The following DYNC2H1 variants were observed in gnomAD, a reference collection of about 807,000 sequenced individuals.
The protein encoded by DYNC2H1 is cytoplasmic dynein 2 heavy chain 1.
Under a neutral mutation model 570.0 loss-of-function variants are expected in DYNC2H1, and 410 were observed. The ratio of observed to expected loss-of-function variants is 0.72; its 90% confidence interval spans 0.66 to 0.78. The LOEUF is 0.78. Ranked by LOEUF, DYNC2H1 falls within the 30% of genes least tolerant of loss-of-function variation. The pLI is 0.00. For missense variants in DYNC2H1, 4,865 were observed against 5,046.4 expected, an observed-to-expected ratio of 0.96 and a Z score of 1.09; for synonymous variants, 1,688 against 1,677.6, an observed-to-expected ratio of 1.01 and a Z score of -0.15.
intron 79 of DYNC2H1, 40 bp from the exon 80 acceptor site, chr11:103,316,505 A>G (rs773790450): frequency 7.3e-7 from 1 of 1,369,684 alleles, no homozygotes; most frequent in South Asian, 1.4e-5. Flanking sequence ...ATCTTTGACT[A>G]CTGCTTAGTT....
chr11:103,153,286 A>G lies in DYNC2H1; in HGVS notation c.3097-17A>G, dbSNP rs1860655122. On this transcript the variant is annotated splice_polypyrimidine_tract_variant and intron_variant, in intron 21 of 88. Transcript: ENST00000375735. Reference sequence around the variant, plus strand: ...TTTTACTCTGCATTAAATTATTTAAATTTTATTGGCTTATAGATTGAAGTG... The same window carrying G: ...TTTTACTCTGCATTAAATTATTTAAGTTTTATTGGCTTATAGATTGAAGTG... 3 of 1,513,956 alleles carry G rather than the reference A, an allele frequency of 2.0e-6. No individual in the cohort carries two copies. The highest frequency in any genetic ancestry group is 2.6e-6 in the Non-Finnish European group (3 of 1,135,922). 93.8% of individuals were successfully genotyped at this position (1,513,956 alleles called of 1,614,324 possible).
intron 82 of DYNC2H1, among the ~76,000 whole-genome samples, chr11:103,348,408 C>T (rs1939864793): frequency 1.3e-5 from 2 of 152,098 alleles, no homozygotes; most frequent in Admixed American, 1.3e-4. Context: ...AGATAGTGAA[C>T]ATCCCCATTA....
chr11:103,133,698 T>C lies in DYNC2H1; in HGVS notation c.2097T>C (p.Phe699=). The stretch of plus-strand genomic sequence containing the variant: ...AACTGAGAAAATGGCACACTACATT[T>C]TGTGAAAAGGTATATTTTGTTTATA... ...NRKLRKWHTT[F]CEKVVVLMNI... is the part of the protein sequence containing the mutation. Residue 699 remains phenylalanine, a synonymous_variant, in exon 14 of 89, where the codon TTT becomes TTC. Transcript: ENST00000375735. The surrounding 1 kb of genome is among the most constrained non-coding windows in gnomAD (Gnocchi z 4.8). 1.2e-6 allele frequency: 2 copies of C among 1,602,012 alleles called. No homozygotes were observed.
intron 70 of DYNC2H1, among the ~76,000 whole-genome samples, chr11:103,267,287 C>G (rs1456207068): frequency 1.3e-5 from 2 of 151,138 alleles, no homozygotes; most frequent in Admixed American, 1.3e-4. Context: ...TTGGTGCTTT[C>G]CCTCTGAAGA....
intron 83 of DYNC2H1, among the ~76,000 whole-genome samples, chr11:103,380,918 T>C (rs1941617576): frequency 6.6e-6 from 1 of 152,196 alleles, no homozygotes; most frequent in Non-Finnish European, 1.5e-5. Context: ...AGGAAATACC[T>C]GCCATGTTTG....
intron 75 of DYNC2H1, among the ~76,000 whole-genome samples, chr11:103,295,820 C>T (rs887832783): frequency 6.6e-6 from 1 of 152,162 alleles, no homozygotes; most frequent in Non-Finnish European, 1.5e-5. Flanking sequence ...CAAGTTAGCT[C>T]ACTCCCTTTT....
At position 103,129,421 on chromosome 11, in the gene DYNC2H1, G is replaced by A. The variant is rs1406515186; in HGVS notation, c.1953+416G>A. On this transcript the variant is annotated intron_variant, in intron 13 of 88. Coordinates refer to ENST00000375735, the MANE Select transcript of DYNC2H1 (RefSeq NM_001377.3). The surrounding 1 kb of genome is among the most constrained non-coding windows in gnomAD (Gnocchi z 4.1). ...TAGGAGGCTGGGTGCAGTGGCTTAC[G>A]CCTGTCATCCCAGCACTTTCGAGGC... is the stretch of plus-strand genomic sequence containing the variant. Among the ~76,000 whole-genome samples the A allele has an allele frequency of 2.0e-5, 3 of 152,126 alleles. No homozygotes were observed. The highest frequency in any genetic ancestry group is 1.3e-4 in the Admixed American group (2 of 15,266).
intron 88 of DYNC2H1, among the ~76,000 whole-genome samples, chr11:103,474,447 T>C (rs1945489640): frequency 6.6e-6 from 1 of 152,218 alleles, no homozygotes; most frequent in African/African-American, 2.4e-5. Flanking sequence ...TGTTTTGTTA[T>C]GAAATTTAAT....
rs1345217282 is a variant in DYNC2H1 at position 103,123,981 on chromosome 11, T to G, written c.1661+981T>G. ...ATAATAGTTTACTGACATGATTTAT[T>G]TGTATATAGGAAAATTTGGGCTAAA... On this transcript the variant is annotated intron_variant, in intron 11 of 88. Transcript: ENST00000375735. 5.9e-5 allele frequency among the ~76,000 whole-genome samples: 9 copies of G among 152,278 alleles called. No homozygotes were observed. The East Asian group carries it at 9.6e-4, about 16-fold the overall frequency.
rs1001530039 is a variant in DYNC2H1, at chr11:103,186,656, A to G, written c.6893+155A>G. The stretch of plus-strand genomic sequence containing the variant: ...TTCATTACTTATAAAAATAAGAACT[A>G]TGGGGAATAGTGTGTCCTTTTCTTT... On this transcript the variant is annotated intron_variant, in intron 42 of 88. Coordinates refer to ENST00000375735, the MANE Select transcript of DYNC2H1 (RefSeq NM_001377.3). The surrounding 1 kb of genome is among the most constrained non-coding windows in gnomAD (Gnocchi z 4.5). Among the ~76,000 whole-genome samples the G allele has an allele frequency of 1.5e-4, 23 of 151,882 alleles. No individual in the cohort carries two copies. Among genetic ancestry groups the G allele is most frequent in the African/African-American group, 5.3e-4 (22 of 41,464 alleles).
intron 21 of DYNC2H1, 136 bp from the exon 22 acceptor site, chr11:103,153,167 A>G: frequency 1.5e-6 from 1 of 688,646 alleles, no homozygotes; most frequent in South Asian, 2.2e-5. Flanking sequence ...AATTAAAATA[A>G]CAACCATCCT....
chr11:103,383,436 T>C (rs1175235195), intron 83 of DYNC2H1, among the ~76,000 whole-genome samples: 4 of 152,006 alleles, frequency 2.6e-5, no homozygotes, highest in African/African-American at 9.7e-5. Flanking sequence ...GCTTCTTGAT[T>C]TGGGTGGTTA....
intron 85 of DYNC2H1, among the ~76,000 whole-genome samples, chr11:103,444,608 A>C (rs1458861259): frequency 6.6e-6 from 1 of 152,230 alleles, no homozygotes; most frequent in Non-Finnish European, 1.5e-5. Context: ...GCTGTAAAGC[A>C]AAATGATGTA....
chr11:103,186,501 G>A lies in DYNC2H1; in HGVS notation c.6893G>A (p.Gly2298Glu), dbSNP rs1268661353. The part of the protein sequence containing the change: ...ILVGPEGCGK[G>E]MLLRYAFSQL... Reference sequence around the variant, plus strand: ...GTAGGACCAGAAGGATGTGGCAAAGGGTAAGAAAAATATTGGCAAAGGTAT... The same window carrying A: ...GTAGGACCAGAAGGATGTGGCAAAGAGTAAGAAAAATATTGGCAAAGGTAT... Residue 2298 changes from glycine (G) to glutamate (E), a missense_variant and splice_region_variant, in exon 42 of 89, where the codon GGG becomes GAG. This residue lies in a region of DYNC2H1 where 2,401 missense variants were observed against 2,454.6 expected (regional missense o/e 0.98). Coordinates refer to ENST00000375735, the MANE Select transcript of DYNC2H1 (RefSeq NM_001377.3). This position sits in a 1 kb window ranked among gnomAD's most constrained non-coding sequence, Gnocchi z 4.5. 2.5e-6 allele frequency: 4 copies of A among 1,608,268 alleles called. No homozygotes were observed. Among genetic ancestry groups the A allele is most frequent in the Non-Finnish European group, 8.5e-7 (1 of 1,178,528 alleles).
At position 103,249,360 on chromosome 11, in the gene DYNC2H1, T is replaced by A. The variant is rs934179306; in HGVS notation, c.10043-3925T>A. 6.6e-6 allele frequency among the ~76,000 whole-genome samples: 1 copy of A among 152,108 alleles called. No individual in the cohort carries two copies. Among genetic ancestry groups the A allele is most frequent in the East Asian group, 1.9e-4 (1 of 5,182 alleles). On this transcript the variant is annotated intron_variant, in intron 65 of 88. Coordinates refer to ENST00000375735, the MANE Select transcript of DYNC2H1 (RefSeq NM_001377.3). This position sits in a 1 kb window ranked among gnomAD's most constrained non-coding sequence, Gnocchi z 4.6. ...AAAGAAAAACTTTTTTTATTTTAAC[T>A]TTTTATTTAAAAATAAATATGCGTA... is the stretch of plus-strand genomic sequence containing the variant.
At chr11:103,328,490 A>C (rs1358267500) in intron 82 of DYNC2H1, among the ~76,000 whole-genome samples, 1 of 152,250 alleles carries the variant, frequency 6.6e-6, no homozygotes, top group African/African-American at 2.4e-5. Flanking sequence ...CAATGTACTT[A>C]ACAAAAAGTA....
Position 103,189,509 on chromosome 11 carries a change from G to A in DYNC2H1, c.7293-163G>A, listed in dbSNP as rs1183482838. Among the ~76,000 whole-genome samples, 5 of 152,122 alleles carry A rather than the reference G, an allele frequency of 3.3e-5. No individual in the cohort carries two copies. In the East Asian group the frequency reaches 7.7e-4, roughly 23 times the overall value. On this transcript the variant is annotated intron_variant, in intron 44 of 88. Coordinates refer to ENST00000375735, the MANE Select transcript of DYNC2H1 (RefSeq NM_001377.3). The surrounding 1 kb of genome is among the most constrained non-coding windows in gnomAD (Gnocchi z 4.3). ...GATCGAATTTGGTTGAAATGAGAAT[G>A]GATCGGGGCGATGAGCCTAGTCTTA... is the stretch of plus-strand genomic sequence containing the variant.
At chr11:103,375,091 T>C (rs1174717983) in intron 83 of DYNC2H1, among the ~76,000 whole-genome samples, 1 of 152,150 alleles carries the variant, frequency 6.6e-6, no homozygotes, top group East Asian at 1.9e-4. Flanking sequence ...TTCCACCTGC[T>C]CTAGCCATGG....
rs867893518 is a variant in DYNC2H1 at position 103,152,235 on chromosome 11, G to C, written c.3046G>C (p.Asp1016His). 2 of 1,608,044 alleles carry C rather than the reference G, an allele frequency of 1.2e-6. No homozygotes were observed. Among genetic ancestry groups the C allele is most frequent in the Non-Finnish European group, 1.7e-6 (2 of 1,177,914 alleles). ...AATTAGTAATTTGAAAGCCAAGTGG[G>C]ATAAATTTGAGTTAATGATGGAAAG... ...ETISNLKAKW[D>H]KFELMMESHQ... is the part of the protein sequence containing the mutation. Residue 1016 changes from aspartate to histidine, a missense_variant, in exon 21 of 89, where the codon GAT (aspartate) becomes CAT (histidine). By Grantham distance (81) the Asp-to-His change is moderately conservative. Transcript: ENST00000375735.
Sources: gnomAD v4.1 joint callset for allele counts (sites outside exome capture counted in the v4.1 genomes callset) on GRCh38, gnomAD v4.1.1 for gene constraint, gnomAD v4.1.1 regional missense constraint, Gnocchi (gnomAD v3.1) non-coding constraint, MANE v1.5 for transcripts, NCBI Gene and HGNC (gene_info 2026-07-23, HGNC 2026-07-21) for gene names.